MGAT5: variants seen among roughly 807,000 people sequenced by gnomAD.
MGAT5 encodes alpha-1,6-mannosylglycoprotein 6-beta-N-acetylglucosaminyltransferase, also known as alpha-1,6-mannosylglycoprotein 6-beta-N-acetylglucosaminyltransferase A.
In MGAT5, 30 loss-of-function variants were observed where a neutral mutation model predicts 94.3. That is an observed-to-expected ratio of 0.32 (90% CI 0.24 to 0.43). The LOEUF (loss-of-function observed/expected upper bound fraction) is 0.43. Among genes scored for constraint, MGAT5 ranks in the 20% least tolerant of loss-of-function variants. The pLI is 1.00. For missense variants in MGAT5, 691 were observed against 905.5 expected (o/e 0.76, Z 3.04); for synonymous variants, 310 against 322.9 (o/e 0.96, Z 0.43).
chr2:134,133,067 C>T (rs1489461165), intron 1 of MGAT5, among the ~76,000 whole-genome samples: 2 of 152,122 alleles, frequency 1.3e-5, no homozygotes, highest in Non-Finnish European at 1.5e-5. Flanking sequence ...CATTAGATCC[C>T]GGCAGTGCCT....
chr2:134,261,169 A>C (rs1392887994), intron 1 of MGAT5, among the ~76,000 whole-genome samples: 1 of 152,132 alleles, frequency 6.6e-6, no homozygotes, highest in East Asian at 1.9e-4. Flanking sequence ...CCACTACTTC[A>C]AGTCTGGATT....
chr2:134,162,016 C>T (rs991300508), intron 1 of MGAT5, among the ~76,000 whole-genome samples: 19 of 151,418 alleles, frequency 1.3e-4, no homozygotes, highest in Non-Finnish European at 2.7e-4. Flanking sequence ...CATGGTGAAA[C>T]CCTGGCTGTC....
chr2:134,184,899 C>T (rs1688928723), intron 1 of MGAT5, among the ~76,000 whole-genome samples: 1 of 152,054 alleles, frequency 6.6e-6, no homozygotes, highest in Non-Finnish European at 1.5e-5. Flanking sequence ...TTTCTTTGCT[C>T]TGCAGTCATT....
chr2:134,189,760 C>T (rs1288182202), intron 1 of MGAT5, among the ~76,000 whole-genome samples: 1 of 151,602 alleles, frequency 6.6e-6, no homozygotes, highest in East Asian at 1.9e-4. Flanking sequence ...TGCCAGCATG[C>T]CCAGCTAATT....
At chr2:134,359,098 A>T (rs1679926383) in intron 9 of MGAT5, among the ~76,000 whole-genome samples, 1 of 152,206 alleles carries the variant, frequency 6.6e-6, no homozygotes, top group Non-Finnish European at 1.5e-5. Flanking sequence ...ATGTTTGGCA[A>T]ATCTCCTGCA....
At chr2:134,217,044 G>A (rs1029749217) in intron 1 of MGAT5, among the ~76,000 whole-genome samples, 2 of 152,148 alleles carry the variant, frequency 1.3e-5, no homozygotes, top group African/African-American at 2.4e-5. Flanking sequence ...TCTGTGGATT[G>A]TAGATGGAGG....
intron 1 of MGAT5, among the ~76,000 whole-genome samples, chr2:134,261,309 C>A (rs531226567): frequency 1.3e-5 from 2 of 152,148 alleles, no homozygotes; most frequent in Non-Finnish European, 2.9e-5. Context: ...CTATGACCCT[C>A]TGCTTCTTCC....
intron 4 of MGAT5, among the ~76,000 whole-genome samples, chr2:134,333,188 T>C (rs914582701): frequency 1.3e-5 from 2 of 152,082 alleles, no homozygotes; most frequent in African/African-American, 4.8e-5. Context: ...CCAACCCAAA[T>C]GTCCAACAAT....
chr2:134,288,745 G>A (rs923000630), intron 2 of MGAT5, among the ~76,000 whole-genome samples: 2 of 152,082 alleles, frequency 1.3e-5, no homozygotes, highest in Admixed American at 1.3e-4. Flanking sequence ...CTATCTTCCT[G>A]TGAATTCCCC....
chr2:134,189,596 TTTTTTG>T (rs1231582419), intron 1 of MGAT5, among the ~76,000 whole-genome samples: 865 of 85,644 alleles, frequency 0.01, 25 homozygotes, highest in South Asian at 0.019. Flanking sequence ...GCTCTAGTTT[TTTTTTG>T]TTTTTTTTTT....
In MGAT5 at chr2:134,242,445, CA is replaced by C. The variant is rs547777759; in HGVS notation, c.-142-11813del. On this transcript the variant is annotated intron_variant, in intron 1 of 16. Coordinates refer to the MGAT5 transcript ENST00000409645. Reference sequence around the variant, plus strand: ...CAGTAGGATGTACATCCAGCTTATTCAAAAGTAATATAAGTTCTGTACGTGT... The same window carrying C: ...CAGTAGGATGTACATCCAGCTTATTCAAAGTAATATAAGTTCTGTACGTGT... Among the ~76,000 whole-genome samples, 7 of 152,278 alleles carry C rather than the reference CA, an allele frequency of 4.6e-5. No homozygotes were observed. In the East Asian group the frequency reaches 1.4e-3, roughly 29 times the overall value.
intron 1 of MGAT5, among the ~76,000 whole-genome samples, chr2:134,263,550 C>T (rs756803139): frequency 2.0e-5 from 3 of 152,184 alleles, no homozygotes; most frequent in Non-Finnish European, 4.4e-5. Flanking sequence ...AATCTGCTGA[C>T]TGGGACAACT....
chr2:134,176,515 G>A (rs1486912474), intron 1 of MGAT5, among the ~76,000 whole-genome samples: 1 of 141,548 alleles, frequency 7.1e-6, no homozygotes, highest in Admixed American at 7.2e-5. Flanking sequence ...GGAGGTTGCA[G>A]TGAGCCGAGA....
In MGAT5 at chr2:134,454,503, G is replaced by GCAAA. The variant is rs1318974696; in HGVS notation, c.*5660_*5663dup. 1 of 152,224 alleles carries GCAAA rather than the reference G, an allele frequency of 6.6e-6. No individual in the cohort carries two copies. Among genetic ancestry groups the GCAAA allele is most frequent in the East Asian group, 1.9e-4 (1 of 5,200 alleles). 9.4% of individuals were successfully genotyped at this position (152,224 alleles called of 1,614,324 possible). ...CGGGGGTTAAGTAATGCAGGATTCT[G>GCAAA]CAAACAAGGTGTCGCCGTCCAAATG... On this transcript the variant is annotated 3_prime_UTR_variant, in exon 16 of 16. Coordinates refer to ENST00000281923, the MANE Select transcript of MGAT5 (RefSeq NM_002410.5).
intron 11 of MGAT5, among the ~76,000 whole-genome samples, chr2:134,412,605 A>C (rs1683734196): frequency 6.6e-6 from 1 of 151,876 alleles, no homozygotes; most frequent in Admixed American, 6.6e-5. Flanking sequence ...GGATACCCCT[A>C]GACACTTAAT....
chr2:134,289,771 A>G (rs1289595364), intron 2 of MGAT5, among the ~76,000 whole-genome samples: 3 of 152,164 alleles, frequency 2.0e-5, no homozygotes, highest in Admixed American at 6.5e-5. Flanking sequence ...CAGAGTCTCT[A>G]AAGACCTTCC....
intron 1 of MGAT5, among the ~76,000 whole-genome samples, chr2:134,242,571 G>A (rs1682029073): frequency 6.6e-6 from 1 of 152,218 alleles, no homozygotes; most frequent in African/African-American, 2.4e-5. Flanking sequence ...GTAAAAAGCA[G>A]TGCTTCTCAT....
chr2:134,120,158 C>A (rs1685495387), upstream of MGAT5: 3 of 158,460 alleles, frequency 1.9e-5, no homozygotes, highest in Admixed American at 1.9e-4. Flanking sequence ...GCGGCTCCCG[C>A]GGCGGCGGCC....
chr2:134,131,764 A>G (rs1462498753), intron 1 of MGAT5, among the ~76,000 whole-genome samples: 1 of 151,278 alleles, frequency 6.6e-6, no homozygotes, highest in Non-Finnish European at 1.5e-5. Flanking sequence ...GGATGTTAGC[A>G]CATGCTGTGT....
Sources: allele counts gnomAD v4.1 joint callset (sites outside exome capture counted in the v4.1 genomes callset), GRCh38; gene constraint gnomAD v4.1.1; transcripts MANE v1.5; gene names NCBI Gene and HGNC (gene_info 2026-07-23, HGNC 2026-07-21).